SLC20A2: variants seen among roughly 807,000 people sequenced by gnomAD.
SLC20A2 encodes the protein sodium-dependent phosphate transporter 2.
In SLC20A2, 30 loss-of-function variants were observed where a neutral mutation model predicts 61.0. The observed-to-expected ratio is 0.49, with a 90% CI of 0.37 to 0.67. The LOEUF (loss-of-function observed/expected upper bound fraction) is 0.67, where lower values mean the gene tolerates loss of function less well. Ranked by LOEUF, SLC20A2 falls within the 30% of genes least tolerant of loss-of-function variation. The pLI, the probability that SLC20A2 is intolerant of heterozygous loss-of-function variation, is 0.00. For missense variants in SLC20A2, 626 were observed against 866.4 expected, an observed-to-expected ratio of 0.72 and a Z score of 3.48; for synonymous variants, 351 against 353.3, an observed-to-expected ratio of 0.99 and a Z score of 0.07.
intron 5 of SLC20A2, among the ~76,000 whole-genome samples, chr8:42,445,259 T>A (rs1325151198): frequency 1.3e-5 from 2 of 151,958 alleles, no homozygotes; most frequent in Non-Finnish European, 2.9e-5. Flanking sequence ...ACCACTGCAC[T>A]CTAGCCTGGG....
At chr8:42,438,726 T>G (rs2131017984) in intron 7 of SLC20A2, among the ~76,000 whole-genome samples, 1 of 152,190 alleles carries the variant, frequency 6.6e-6, no homozygotes. Context: ...TTCTTTTCTT[T>G]TCTTTTTTGA....
At chr8:42,471,248 G>A (rs1254529394) in intron 2 of SLC20A2, 1 of 455,876 alleles carries the variant, frequency 2.2e-6, no homozygotes, top group African/African-American at 2.0e-5. Context: ...CTTAACACAC[G>A]CCTGCCGGGA....
intron 8 of SLC20A2, among the ~76,000 whole-genome samples, chr8:42,431,129 A>G (rs531824684): frequency 2.0e-5 from 3 of 152,264 alleles, no homozygotes; most frequent in African/African-American, 7.2e-5. Context: ...TGAGGAAGGC[A>G]TGTCAAAATC....
intron 4 of SLC20A2, among the ~76,000 whole-genome samples, chr8:42,462,523 C>T (rs1019346921): frequency 6.6e-6 from 1 of 151,848 alleles, no homozygotes; most frequent in African/African-American, 2.4e-5. Flanking sequence ...AAGATGTACC[C>T]AATAGGTGTA....
chr8:42,484,886 C>T (rs1408885224), intron 1 of SLC20A2: 13 of 402,704 alleles, frequency 3.2e-5, no homozygotes, highest in African/African-American at 1.5e-4. Flanking sequence ...CTGAGCATCT[C>T]GGCCATGCAG....
chr8:42,518,513 C>A (rs1392065459), intron 1 of SLC20A2, among the ~76,000 whole-genome samples: 1 of 152,094 alleles, frequency 6.6e-6, no homozygotes, highest in Admixed American at 6.5e-5. Flanking sequence ...TCTAACAAAC[C>A]CTATGTCATT....
chr8:42,533,654 C>CTTTTTTTTTTTTTTTTTTTTTTTTTTTT (rs1162369065), intron 1 of SLC20A2, among the ~76,000 whole-genome samples: 3 of 55,296 alleles, frequency 5.4e-5, no homozygotes, highest in African/African-American at 1.6e-4. Context: ...ATCAACTGTT[C>CTTTTTTTTTTTTTTTTTTTTTTTTTTTT]TTTTTTTTTT....
At chr8:42,460,548 T>C (rs1806618057) in intron 4 of SLC20A2, among the ~76,000 whole-genome samples, 1 of 152,232 alleles carries the variant, frequency 6.6e-6, no homozygotes, top group Non-Finnish European at 1.5e-5. Context: ...TTCCGAATCT[T>C]TTCCCAAGGT....
intron 5 of SLC20A2, among the ~76,000 whole-genome samples, chr8:42,455,271 G>T (rs1433442684): frequency 5.2e-4 from 76 of 144,912 alleles, no homozygotes; most frequent in Non-Finnish European, 8.0e-4. Flanking sequence ...GAGAGAGAGA[G>T]AGAGAGAGAG....
At chr8:42,444,857 A>T in intron 5 of SLC20A2, 95 bp from the exon 6 acceptor site, 2 of 790,670 alleles carry the variant, frequency 2.5e-6, no homozygotes, top group Non-Finnish European at 4.3e-6. Flanking sequence ...ATCGAGAACG[A>T]ATCACCTGGA....
intron 1 of SLC20A2, among the ~76,000 whole-genome samples, chr8:42,506,461 C>T (rs1387489856): frequency 6.6e-6 from 1 of 152,320 alleles, no homozygotes; most frequent in Admixed American, 6.5e-5. Flanking sequence ...TCATAAACGG[C>T]CGGGGCCATT....
chr8:42,422,015 TA>T (rs2130924157), intron 10 of SLC20A2, among the ~76,000 whole-genome samples: 1 of 152,288 alleles, frequency 6.6e-6, no homozygotes, highest in East Asian at 1.9e-4. Context: ...CACTTTCTGG[TA>T]ATCTTGATCA....
chr8:42,480,426 C>T (rs1808472183), intron 1 of SLC20A2: 2 of 152,114 alleles, frequency 1.3e-5, no homozygotes, highest in Admixed American at 1.3e-4. Flanking sequence ...CAAAAACAGG[C>T]TTAGTTTTCT....
intron 1 of SLC20A2, among the ~76,000 whole-genome samples, chr8:42,477,718 G>A (rs544996860): frequency 5.3e-5 from 8 of 151,804 alleles, no homozygotes; most frequent in Non-Finnish European, 7.4e-5. Context: ...TGAACTGCCC[G>A]CCTTGGCCTC....
chr8:42,462,447 A>G (rs1806786609), intron 4 of SLC20A2, among the ~76,000 whole-genome samples: 1 of 152,232 alleles, frequency 6.6e-6, no homozygotes, highest in African/African-American at 2.4e-5. Flanking sequence ...ACTGCCAAAC[A>G]AAAGAAGATA....
intron 5 of SLC20A2, among the ~76,000 whole-genome samples, chr8:42,451,695 A>G (rs1366104444): frequency 2.3e-5 from 3 of 132,550 alleles, no homozygotes; most frequent in Non-Finnish European, 3.2e-5. Context: ...GAGGGGGAGG[A>G]AGAGATGAAG....
chr8:42,518,333 CA>C (rs1396608921), intron 1 of SLC20A2, among the ~76,000 whole-genome samples: 2 of 152,114 alleles, frequency 1.3e-5, no homozygotes, highest in Non-Finnish European at 2.9e-5. Context: ...AAAGCCATAC[CA>C]AATGGCTATT....
intron 2 of SLC20A2, among the ~76,000 whole-genome samples, chr8:42,467,739 G>A (rs1373391003): frequency 6.6e-6 from 1 of 152,140 alleles, no homozygotes; most frequent in African/African-American, 2.4e-5. Flanking sequence ...CCAGCCTTGT[G>A]CTGCCAAACC....
chr8:42,436,436 T>C (rs1475402110), intron 8 of SLC20A2, among the ~76,000 whole-genome samples: 2 of 152,116 alleles, frequency 1.3e-5, no homozygotes, highest in Non-Finnish European at 2.9e-5. Flanking sequence ...CCTCTTTCCT[T>C]CTTCTCTCAC....
Sources: gnomAD v4.1 joint callset for allele counts (sites outside exome capture counted in the v4.1 genomes callset) on GRCh38, gnomAD v4.1.1 for gene constraint, MANE v1.5 for transcripts, NCBI Gene and HGNC (gene_info 2026-07-23, HGNC 2026-07-21) for gene names.